FGF13: variants seen among roughly 807,000 people sequenced by gnomAD.
FGF13 encodes fibroblast growth factor 13.
A neutral mutation model predicts 19.5 loss-of-function variants in FGF13; 2 were observed. The ratio of observed to expected loss-of-function variants is 0.10; its 90% confidence interval spans 0.04 to 0.32. FGF13 has a LOEUF of 0.32. Among genes scored for constraint, FGF13 ranks in the 10% least tolerant of loss-of-function variants. The probability of loss-of-function intolerance (pLI) is 1.00; values close to 1 mark genes in which losing one functional copy is unlikely to be tolerated. For missense variants in FGF13, 113 were observed against 192.7 expected (o/e 0.59, Z 2.45); for synonymous variants, 72 against 76.9 (o/e 0.94, Z 0.33).
chrX:139,141,047 T>C (rs1328608785), intron 1 of FGF13, among the ~76,000 whole-genome samples: 1 of 89,091 alleles, frequency 1.1e-5, no homozygotes, highest in African/African-American at 4.4e-5. Context: ...ACTAGATAGA[T>C]GATAGATAGA....
intron 1 of FGF13, among the ~76,000 whole-genome samples, chrX:138,949,169 T>G (rs774145142): frequency 8.9e-6 from 1 of 112,042 alleles, no homozygotes; most frequent in South Asian, 3.7e-4. Flanking sequence ...ATATTTGAGC[T>G]TGACCTTGAA....
At chrX:138,656,015 CTA>C (rs2124140623) in intron 3 of FGF13, among the ~76,000 whole-genome samples, 1 of 112,115 alleles carries the variant, frequency 8.9e-6, no homozygotes, top group Admixed American at 9.5e-5. Context: ...AGTGTAGACA[CTA>C]TGCTAAAGCC....
chrX:139,166,328 C>G (rs1411342582), intron 1 of FGF13, among the ~76,000 whole-genome samples: 1 of 111,474 alleles, frequency 9.0e-6, no homozygotes, highest in African/African-American at 3.3e-5. Context: ...TTTTCTCTCT[C>G]TAGCTGCCAT....
At chrX:138,866,971 C>T (rs962592881) in intron 1 of FGF13, among the ~76,000 whole-genome samples, 7 of 111,671 alleles carry the variant, frequency 6.3e-5, no homozygotes, top group Non-Finnish European at 9.4e-5. Context: ...AGAACATCAC[C>T]TACAACATGA....
chrX:139,162,003 C>T (rs1361199906), intron 1 of FGF13, among the ~76,000 whole-genome samples: 2 of 111,925 alleles, frequency 1.8e-5, no homozygotes, highest in Non-Finnish European at 3.8e-5. Flanking sequence ...ATGCTATTCC[C>T]ATCAAGCTAC....
At chrX:138,929,081 A>G (rs192004740) in intron 1 of FGF13, among the ~76,000 whole-genome samples, 122 of 112,010 alleles carry the variant, frequency 1.1e-3, no homozygotes, top group Non-Finnish European at 1.1e-3. Flanking sequence ...GGCATCACTG[A>G]TTGGATAAGA....
chrX:138,794,699 G>A (rs975207987), intron 3 of FGF13, among the ~76,000 whole-genome samples: 3 of 111,584 alleles, frequency 2.7e-5, no homozygotes, highest in African/African-American at 9.8e-5. Flanking sequence ...CGTCCCAAAG[G>A]TAATAATTTG....
intron 1 of FGF13, among the ~76,000 whole-genome samples, chrX:139,163,548 AAAGAAG>A (rs762719972): frequency 9.0e-6 from 1 of 111,125 alleles, no homozygotes; most frequent in African/African-American, 3.3e-5. Context: ...TAATAATTTA[AAAGAAG>A]AAGAAGAAGA....
chrX:138,976,775 C>T (rs540431110), intron 1 of FGF13, among the ~76,000 whole-genome samples: 48 of 110,880 alleles, frequency 4.3e-4, no homozygotes, highest in South Asian at 3.9e-3. Context: ...GAGCTGTTAG[C>T]ATGATAGATG....
chrX:138,955,347 C>A (rs1478860331), intron 1 of FGF13, among the ~76,000 whole-genome samples: 1 of 112,233 alleles, frequency 8.9e-6, no homozygotes, highest in African/African-American at 3.2e-5. Context: ...AACAGGGATA[C>A]AGATAATTGG....
intron 3 of FGF13, among the ~76,000 whole-genome samples, chrX:138,838,426 G>A (rs989509827): frequency 3.6e-5 from 4 of 111,654 alleles, no homozygotes; most frequent in African/African-American, 6.5e-5. Context: ...AGGTCCCAGT[G>A]GAGTGGATTC....
At chrX:138,885,937 C>T (rs1439534083) in intron 1 of FGF13, among the ~76,000 whole-genome samples, 4 of 111,169 alleles carry the variant, frequency 3.6e-5, no homozygotes, top group African/African-American at 6.6e-5. Flanking sequence ...TTTCCCTGTA[C>T]TTCATCTACA....
At chrX:139,129,154 T>C (rs35951533) in intron 1 of FGF13, among the ~76,000 whole-genome samples, 2 of 93,032 alleles carry the variant, frequency 2.1e-5, no homozygotes, top group African/African-American at 8.3e-5. Context: ...CATACACACA[T>C]ACACACACAC....
At chrX:138,720,964 T>G (rs755440040) in intron 1 of FGF13, among the ~76,000 whole-genome samples, 1 of 112,102 alleles carries the variant, frequency 8.9e-6, no homozygotes, top group Non-Finnish European at 1.9e-5. Flanking sequence ...TTGTAAGTTT[T>G]TATTCCTTGC....
At chrX:138,969,999 T>G (rs888057857) in intron 1 of FGF13, among the ~76,000 whole-genome samples, 12 of 111,810 alleles carry the variant, frequency 1.1e-4, no homozygotes, top group African/African-American at 3.9e-4. Context: ...ACACCCCGGA[T>G]GCTATGCTGC....
At chrX:139,118,338 C>G (rs897492817) in intron 1 of FGF13, among the ~76,000 whole-genome samples, 2 of 111,606 alleles carry the variant, frequency 1.8e-5, no homozygotes, top group Admixed American at 9.5e-5. Flanking sequence ...CAGACGTAAC[C>G]TCATCATAAG....
rs1469601509 is a variant in FGF13, at chrX:138,989,525, A to C, written c.-112-124875T>G. On this transcript the variant is annotated intron_variant, in intron 1 of 2. Transcript: ENST00000421460. The stretch of plus-strand genomic sequence containing the variant: ...TTTCTTGGTATTGTCATAGATATCT[A>C]GAGTAGGCAGATTTCATCTGAAAAA... Among the ~76,000 whole-genome samples, 5 of 111,970 alleles carry C rather than the reference A, an allele frequency of 4.5e-5. No homozygotes were observed. The South Asian group carries it at 1.9e-3, about 42-fold the overall frequency.
At chrX:138,765,171 T>C (rs149445598) in intron 3 of FGF13, among the ~76,000 whole-genome samples, 1,674 of 112,180 alleles carry the variant, frequency 0.015, 17 homozygotes, top group African/African-American at 0.051. Context: ...TTCCATGTAA[T>C]GTTCACAGCA....
chrX:138,971,083 C>T (rs2091913653), intron 1 of FGF13, among the ~76,000 whole-genome samples: 1 of 111,489 alleles, frequency 9.0e-6, no homozygotes, highest in African/African-American at 3.3e-5. Context: ...ATCTGGGGAG[C>T]ACTGACCAAA....
Sources: allele counts gnomAD v4.1 joint callset (sites outside exome capture counted in the v4.1 genomes callset), GRCh38; gene constraint gnomAD v4.1.1; transcripts MANE v1.5; gene names NCBI Gene and HGNC (gene_info 2026-07-23, HGNC 2026-07-21).